The following SHISA9 variants were observed in gnomAD, a reference collection of about 807,000 sequenced individuals.
SHISA9 encodes shisa family member 9.
Under a neutral mutation model 38.0 loss-of-function variants are expected in SHISA9, and 13 were observed. The ratio of observed to expected loss-of-function variants is 0.34; its 90% CI spans 0.22 to 0.54. The LOEUF is 0.54. Among genes scored for constraint, SHISA9 ranks in the 20% least tolerant of loss-of-function variants. The pLI is 0.91. For synonymous variants in SHISA9, 275 were observed against 242.0 expected, an observed-to-expected ratio of 1.14 and a Z score of -1.27; for missense variants, 538 against 575.8, an observed-to-expected ratio of 0.93 and a Z score of 0.67.
At position 13,191,144 on chromosome 16, in the gene SHISA9, G is replaced by T. The variant is rs1189702961; in HGVS notation, c.692-12250G>T. The stretch of plus-strand genomic sequence containing the variant: ...AATTTTAAGGATTTCCCTCAAAAAG[G>T]TTGCTGGCATAAAGATTTGGAAAGG... On this transcript the variant is annotated intron_variant, in intron 2 of 4. Coordinates refer to ENST00000558583, the MANE Select transcript of SHISA9 (RefSeq NM_001145204.3). 3.3e-5 allele frequency among the ~76,000 whole-genome samples: 5 copies of T among 152,192 alleles called. No homozygotes were observed. The East Asian group carries it at 5.8e-4, about 18-fold the overall frequency.
At chr16:13,261,716 A>T in the SHISA9 span, among the ~76,000 whole-genome samples, 2 of 152,216 alleles carry the variant, frequency 1.3e-5, no homozygotes, top group East Asian at 3.8e-4. Flanking sequence ...TGTCTACCAA[A>T]TGCCATGTGC....
intron 2 of SHISA9, among the ~76,000 whole-genome samples, chr16:13,059,116 T>G (rs1416026759): frequency 1.4e-5 from 2 of 139,424 alleles, no homozygotes; most frequent in Non-Finnish European, 3.1e-5. Flanking sequence ...CTGTAAAAAC[T>G]CTATCTTTTT....
the SHISA9 span, among the ~76,000 whole-genome samples, chr16:13,434,815 C>G: frequency 6.6e-6 from 1 of 152,096 alleles, no homozygotes; most frequent in African/African-American, 2.4e-5. Context: ...ATTGGTATTT[C>G]AGGTTTTTAG....
At chr16:13,476,404 G>A in the SHISA9 span, among the ~76,000 whole-genome samples, 3 of 152,176 alleles carry the variant, frequency 2.0e-5, no homozygotes, top group African/African-American at 7.2e-5. Flanking sequence ...CTCCTCAGCT[G>A]CAGCACCCAA....
chr16:13,138,398 T>C (rs377259482), intron 2 of SHISA9, among the ~76,000 whole-genome samples: 3 of 152,334 alleles, frequency 2.0e-5, no homozygotes, highest in East Asian at 1.9e-4. Flanking sequence ...TTCATCCTTA[T>C]CACACTATTA....
chr16:13,252,686 A>G, the SHISA9 span, among the ~76,000 whole-genome samples: 1 of 152,064 alleles, frequency 6.6e-6, no homozygotes, highest in Non-Finnish European at 1.5e-5. Flanking sequence ...TTTCTACCAT[A>G]TTATATAATT....
At chr16:13,463,830 C>A in the SHISA9 span, among the ~76,000 whole-genome samples, 1 of 152,334 alleles carries the variant, frequency 6.6e-6, no homozygotes, top group South Asian at 2.1e-4. Context: ...TACAAAATTG[C>A]CAAGTGGCAG....
At chr16:13,536,925 T>C in the SHISA9 span, among the ~76,000 whole-genome samples, 1 of 152,166 alleles carries the variant, frequency 6.6e-6, no homozygotes, top group Non-Finnish European at 1.5e-5. Context: ...CTACTCAAAA[T>C]TCCACAGTCT....
At chr16:13,304,077 A>G in the SHISA9 span, among the ~76,000 whole-genome samples, 104,100 of 152,066 alleles carry the variant, frequency 0.68, 35,814 homozygotes, top group African/African-American at 0.74. Context: ...CTGGTTTCTG[A>G]CTATACTACA....
At chr16:13,551,658 C>G in the SHISA9 span, among the ~76,000 whole-genome samples, 1 of 152,176 alleles carries the variant, frequency 6.6e-6, no homozygotes, top group African/African-American at 2.4e-5. Flanking sequence ...ACACAGCAGG[C>G]AGACACAATT....
the SHISA9 span, among the ~76,000 whole-genome samples, chr16:13,527,273 T>C: frequency 6.6e-6 from 1 of 152,194 alleles, no homozygotes; most frequent in African/African-American, 2.4e-5. Context: ...TTCTGGAATC[T>C]CCCTCAGCGT....
the SHISA9 span, among the ~76,000 whole-genome samples, chr16:13,317,546 C>T: frequency 1.3e-5 from 2 of 152,122 alleles, no homozygotes; most frequent in South Asian, 2.1e-4. Flanking sequence ...TTGTATGCTG[C>T]ACCCATTCAT....
At chr16:13,178,367 G>T (rs898941926) in intron 2 of SHISA9, among the ~76,000 whole-genome samples, 1 of 151,344 alleles carries the variant, frequency 6.6e-6, no homozygotes, top group Non-Finnish European at 1.5e-5. Context: ...TTTTTAATGG[G>T]ACTGAAAGAG....
At chr16:13,420,245 C>CAAAAAA in the SHISA9 span, among the ~76,000 whole-genome samples, 1,989 of 50,308 alleles carry the variant, frequency 0.04, 315 homozygotes, top group Middle Eastern at 0.091. Flanking sequence ...GAATCTGTTT[C>CAAAAAA]AAAAAAAAAA....
intron 2 of SHISA9, among the ~76,000 whole-genome samples, chr16:13,025,860 C>T (rs976266188): frequency 1.3e-5 from 2 of 151,964 alleles, no homozygotes. Flanking sequence ...TGCTGGAGTA[C>T]AATGGTGTGA....
chr16:13,486,044 G>A, the SHISA9 span, among the ~76,000 whole-genome samples: 45 of 152,200 alleles, frequency 3.0e-4, no homozygotes, highest in African/African-American at 1.0e-3. Context: ...CTTTCTCCAC[G>A]TCATCCAGAG....
chr16:13,485,466 C>T, the SHISA9 span, among the ~76,000 whole-genome samples: 3 of 152,030 alleles, frequency 2.0e-5, no homozygotes, highest in South Asian at 2.1e-4. Context: ...TGTTCTCATA[C>T]CATATTGCTT....
chr16:13,282,407 A>G, the SHISA9 span, among the ~76,000 whole-genome samples: 1 of 151,348 alleles, frequency 6.6e-6, no homozygotes, highest in Non-Finnish European at 1.5e-5. Flanking sequence ...ATGTGTTTTT[A>G]TTTTCCTACT....
the SHISA9 span, among the ~76,000 whole-genome samples, chr16:13,551,289 C>A: frequency 9.2e-5 from 14 of 152,148 alleles, no homozygotes; most frequent in African/African-American, 3.1e-4. Flanking sequence ...TACACATAAG[C>A]ACCAACACAA....
Sources: allele counts gnomAD v4.1 joint callset (sites outside exome capture counted in the v4.1 genomes callset), GRCh38; gene constraint gnomAD v4.1.1; transcripts MANE v1.5; gene names NCBI Gene and HGNC (gene_info 2026-07-23, HGNC 2026-07-21).